Variants in MACIR observed in about 807,000 individuals in gnomAD.
MACIR encodes the protein UNC119-binding protein C5orf30.
In MACIR, 4 loss-of-function variants were observed where a neutral mutation model predicts 14.3. The ratio of observed to expected loss-of-function variants is 0.28; its 90% confidence interval spans 0.14 to 0.64. MACIR has a LOEUF of 0.64. Among genes scored for constraint, MACIR ranks in the 30% least tolerant of loss-of-function variants. MACIR has a pLI of 0.83. For missense variants in MACIR, 228 were observed against 257.6 expected (o/e 0.89, Z 0.79); for synonymous variants, 101 against 102.4 (o/e 0.99, Z 0.08).
intron 2 of MACIR, among the ~76,000 whole-genome samples, chr5:103,266,955 A>G (rs1804946392): frequency 6.6e-6 from 1 of 152,208 alleles, no homozygotes. Context: ...TGAGGAAAAG[A>G]GTAAGAAGTT....
intron 2 of MACIR, among the ~76,000 whole-genome samples, chr5:103,275,398 A>G (rs1805286607): frequency 6.6e-6 from 1 of 152,192 alleles, no homozygotes; most frequent in Non-Finnish European, 1.5e-5. Flanking sequence ...TATGTTCCTT[A>G]AAGACAAATT....
intron 2 of MACIR, among the ~76,000 whole-genome samples, chr5:103,266,548 C>CT: frequency 6.6e-6 from 1 of 152,132 alleles, no homozygotes; most frequent in Admixed American, 6.5e-5. Flanking sequence ...CTTTAGTTGT[C>CT]TTTTTTCAGT....
At chr5:103,266,940 A>G (rs1804945564) in intron 2 of MACIR, among the ~76,000 whole-genome samples, 1 of 152,206 alleles carries the variant, frequency 6.6e-6, no homozygotes, top group Admixed American at 6.6e-5. Context: ...TAAAATTTTC[A>G]GTTTTGAGGA....
chr5:103,271,149 A>G (rs1805109048), intron 2 of MACIR, among the ~76,000 whole-genome samples: 1 of 152,172 alleles, frequency 6.6e-6, no homozygotes, highest in African/African-American at 2.4e-5. Context: ...AGGAAAGCTA[A>G]TGAAGCAATT....
chr5:103,275,506 A>C (rs1328114489), intron 2 of MACIR, among the ~76,000 whole-genome samples: 1 of 152,234 alleles, frequency 6.6e-6, no homozygotes, highest in Non-Finnish European at 1.5e-5. Context: ...TGTTCTTATG[A>C]AACTATGTAT....
In MACIR at chr5:103,275,904, C is replaced by T. The variant is rs782207590; in HGVS notation, c.-16C>T. 2.5e-6 allele frequency: 4 copies of T among 1,603,782 alleles called. No homozygotes were observed. The highest frequency in any genetic ancestry group is 3.4e-6 in the Non-Finnish European group (4 of 1,174,632). On this transcript the variant is annotated 5_prime_UTR_variant, in exon 3 of 3. Coordinates refer to ENST00000319933, the MANE Select transcript of MACIR (RefSeq NM_033211.4). ...AAGTCTGTTTACTTTTAGGATTGTGCAGACTGGTGCTTAAAATGGAAGTCG... is the reference window on the plus strand; with the variant it reads ...AAGTCTGTTTACTTTTAGGATTGTGTAGACTGGTGCTTAAAATGGAAGTCG...
In MACIR at chr5:103,275,861, A is replaced by G. The variant is rs562647541; in HGVS notation, c.-23-36A>G. ...CCTGGCCTGGCCCAAGTCTCTGTGC[A>G]TTATATTCTTCTAATCTAAGTCTGT... On this transcript the variant is annotated intron_variant, in intron 2 of 2. Transcript: ENST00000319933. The G allele has an allele frequency of 1.3e-4, 200 of 1,547,934 alleles. No individual in the cohort carries two copies. In the South Asian group the frequency reaches 1.7e-3, roughly 13 times the overall value.
intron 1 of MACIR, among the ~76,000 whole-genome samples, chr5:103,262,956 C>A (rs1004808497): frequency 3.1e-4 from 47 of 152,172 alleles, no homozygotes; most frequent in African/African-American, 9.6e-4. Context: ...CAGTTGCAAG[C>A]GTTAGAGAAT....
At chr5:103,273,020 C>A (rs1301006715) in intron 2 of MACIR, among the ~76,000 whole-genome samples, 3 of 152,180 alleles carry the variant, frequency 2.0e-5, no homozygotes, top group Non-Finnish European at 4.4e-5. Flanking sequence ...TTTTCATGTT[C>A]CTGCGCCTTG....
chr5:103,263,556 A>T (rs920681765), intron 1 of MACIR, among the ~76,000 whole-genome samples: 2 of 152,214 alleles, frequency 1.3e-5, no homozygotes, highest in Non-Finnish European at 2.9e-5. Flanking sequence ...GATGTTGAAA[A>T]AGAAACTCTT....
chr5:103,258,797 T>C lies in MACIR; in HGVS notation c.-213T>C, dbSNP rs1338067844. The C allele has an allele frequency of 6.6e-6, 1 of 152,368 alleles. No homozygotes were observed. Among genetic ancestry groups the C allele is most frequent in the Non-Finnish European group, 1.5e-5 (1 of 68,130 alleles). 9.4% of individuals were successfully genotyped at this position (152,368 alleles called of 1,614,324 possible). ...TACCCGGCTGGCTCGGCTGGCGGCC[T>C]CTGCCTGGATCTCGGCGCCGCAGTC... On this transcript the variant is annotated 5_prime_UTR_variant, in exon 1 of 3. Coordinates refer to ENST00000319933, the MANE Select transcript of MACIR (RefSeq NM_033211.4).
At chr5:103,275,067 A>G (rs1322370791) in intron 2 of MACIR, among the ~76,000 whole-genome samples, 1 of 152,188 alleles carries the variant, frequency 6.6e-6, no homozygotes, top group Non-Finnish European at 1.5e-5. Flanking sequence ...TCTGCCATTT[A>G]TGAAACTATT....
At chr5:103,264,831 A>C (rs1247942491) in intron 1 of MACIR, among the ~76,000 whole-genome samples, 2 of 152,126 alleles carry the variant, frequency 1.3e-5, no homozygotes, top group Non-Finnish European at 2.9e-5. Flanking sequence ...TAGGGAAAGT[A>C]ATAAAGTTAC....
At chr5:103,261,634 T>A (rs1350069451) in intron 1 of MACIR, among the ~76,000 whole-genome samples, 3 of 137,034 alleles carry the variant, frequency 2.2e-5, no homozygotes, top group African/African-American at 7.9e-5. Flanking sequence ...CTACCTGTTT[T>A]TCTTTTTCTT....
chr5:103,277,071 T>A lies in MACIR; in HGVS notation c.*531T>A, dbSNP rs1436253095. ...TATAACTGGTTTTGCACTGAAAAAA[T>A]TAACATTTCAGATTGACAAGAGAGT... On this transcript the variant is annotated 3_prime_UTR_variant, in exon 3 of 3. Coordinates refer to ENST00000319933, the MANE Select transcript of MACIR (RefSeq NM_033211.4). The A allele has an allele frequency of 7.2e-5, 12 of 167,080 alleles. No individual in the cohort carries two copies. The highest frequency in any genetic ancestry group is 6.5e-4 in the Admixed American group (10 of 15,278). The allele number at this position is 167,080 out of a possible 1,614,324, so 10.3% of individuals were successfully genotyped here.
chr5:103,276,386 GTCT>G lies in MACIR; in HGVS notation c.472_474del (p.Leu158del). ...GCCCTCCATGGGCCTCTGCCTCTTTGTCTTCTTAAAGGTAAGAGGGCTCACTCC... is the reference window on the plus strand; with the variant it reads ...GCCCTCCATGGGCCTCTGCCTCTTTGTCTTAAAGGTAAGAGGGCTCACTCC... On this transcript the variant is annotated inframe_deletion, in exon 3 of 3. Coordinates refer to ENST00000319933, the MANE Select transcript of MACIR (RefSeq NM_033211.4). 6.2e-7 allele frequency: 1 copy of G among 1,613,720 alleles called. No individual in the cohort carries two copies. Among genetic ancestry groups the G allele is most frequent in the Non-Finnish European group, 8.5e-7 (1 of 1,179,970 alleles).
Position 103,270,924 on chromosome 5 carries a change from C to T in MACIR, c.-24+4927C>T, listed in dbSNP as rs78712207. ...TGTACCCTACCTTTACCATATCCCT[C>T]CTATCATGAAAAATATGTTTGATAA... is the stretch of plus-strand genomic sequence containing the variant. On this transcript the variant is annotated intron_variant, in intron 2 of 2. Coordinates refer to ENST00000319933, the MANE Select transcript of MACIR (RefSeq NM_033211.4). Among the ~76,000 whole-genome samples, 254 of 152,116 alleles carry T rather than the reference C, an allele frequency of 1.7e-3. 1 individual carries two copies. Among genetic ancestry groups the T allele is most frequent in the African/African-American group, 5.8e-3 (240 of 41,518 alleles).
chr5:103,278,626 C>T lies in MACIR; in HGVS notation c.*2086C>T, dbSNP rs35797. ...CCTGTTCTGTCCGTGTGCCTACGTT[C>T]CTTAATAATAGCTAAATAAAAATTT... On this transcript the variant is annotated 3_prime_UTR_variant, in exon 3 of 3. Transcript: ENST00000319933. 0.43 allele frequency: 72,196 copies of T among 166,894 alleles called. 17,447 individuals carry two copies. Among genetic ancestry groups the T allele is most frequent in the African/African-American group, 0.68 (28,369 of 41,476 alleles). The allele number at this position is 166,894 out of a possible 1,614,324, so 10.3% of individuals were successfully genotyped here. A position where few individuals can be genotyped will look rare whatever the true frequency, so the allele number is the denominator to read the frequency against.
intron 2 of MACIR, among the ~76,000 whole-genome samples, chr5:103,267,114 A>G (rs1804952947): frequency 6.6e-6 from 1 of 152,126 alleles, no homozygotes; most frequent in Non-Finnish European, 1.5e-5. Flanking sequence ...CTATCCATCT[A>G]TCTCTGTATA....
Sources: allele counts gnomAD v4.1 joint callset (sites outside exome capture counted in the v4.1 genomes callset), GRCh38; gene constraint gnomAD v4.1.1; transcripts MANE v1.5; gene names NCBI Gene and HGNC (gene_info 2026-07-23, HGNC 2026-07-21).